Variants in ANKFN1 observed in about 807,000 individuals in gnomAD.
The protein encoded by ANKFN1 is ankyrin repeat and fibronectin type III domain containing 1.
ANKFN1 carries 74 observed loss-of-function variants against 108.7 expected under a neutral mutation model. The ratio of observed to expected loss-of-function variants is 0.68; its 90% CI spans 0.56 to 0.83. ANKFN1 has a LOEUF of 0.83. ANKFN1 is among the 40% of genes least tolerant of loss of function. The pLI, the probability that ANKFN1 is intolerant of heterozygous loss-of-function variation, is 0.00. For missense variants in ANKFN1, 1,505 were observed against 1,382.3 expected, an observed-to-expected ratio of 1.09 and a Z score of -1.41; for synonymous variants, 547 against 516.2, an observed-to-expected ratio of 1.06 and a Z score of -0.81.
At chr17:56,168,447 A>G (rs1250743928) in intron 1 of ANKFN1, among the ~76,000 whole-genome samples, 1 of 152,070 alleles carries the variant, frequency 6.6e-6, no homozygotes, top group Non-Finnish European at 1.5e-5. Flanking sequence ...TTCCTTTTTC[A>G]TTTCAAACTC....
intron 1 of ANKFN1, among the ~76,000 whole-genome samples, chr17:56,175,515 C>T (rs1431702831): frequency 6.6e-6 from 1 of 152,128 alleles, no homozygotes; most frequent in African/African-American, 2.4e-5. Context: ...ATACACATTG[C>T]AAAGCCCTTG....
intron 3 of ANKFN1, among the ~76,000 whole-genome samples, chr17:56,283,538 T>TATATATATATATATATATATATATATATA (rs1263196279): frequency 6.7e-5 from 10 of 150,156 alleles, no homozygotes; most frequent in African/African-American, 2.3e-4. Context: ...TATATATATA[T>TATATATATATATATATATATATATATATA]GATGGAATAC....
intron 3 of ANKFN1, among the ~76,000 whole-genome samples, chr17:56,285,765 G>A (rs978033638): frequency 6.6e-6 from 1 of 151,962 alleles, no homozygotes; most frequent in Non-Finnish European, 1.5e-5. Flanking sequence ...AATTAGAAGA[G>A]ATTCCTCTCC....
At chr17:56,227,474 T>C (rs2080314205) in intron 2 of ANKFN1, among the ~76,000 whole-genome samples, 2 of 152,160 alleles carry the variant, frequency 1.3e-5, no homozygotes, top group Admixed American at 1.3e-4. Flanking sequence ...AACCATAATC[T>C]TTAGGAGAAG....
chr17:56,256,834 GCTCTCT>G (rs889700130), intron 3 of ANKFN1, among the ~76,000 whole-genome samples: 1 of 152,124 alleles, frequency 6.6e-6, no homozygotes, highest in African/African-American at 2.4e-5. Context: ...CCCAAGCCTA[GCTCTCT>G]TACCAAATAC....
At chr17:56,426,338 A>G (rs150897476) in intron 8 of ANKFN1, among the ~76,000 whole-genome samples, 250 of 152,264 alleles carry the variant, frequency 1.6e-3, no homozygotes, top group South Asian at 5.8e-3. Flanking sequence ...TTCCTGTTCA[A>G]CTGTCAATGT....
At chr17:56,184,455 T>C (rs6505046) in intron 1 of ANKFN1, among the ~76,000 whole-genome samples, 112,077 of 152,152 alleles carry the variant, frequency 0.74, 42,280 homozygotes, top group East Asian at 0.94. Flanking sequence ...CCACAGTATA[T>C]TGTGAATATA....
chr17:56,157,569 G>A (rs1301608299), intron 1 of ANKFN1, among the ~76,000 whole-genome samples: 1 of 152,188 alleles, frequency 6.6e-6, no homozygotes, highest in East Asian at 1.9e-4. Flanking sequence ...TGTGGACTAT[G>A]GCGTCTTACC....
intron 8 of ANKFN1, among the ~76,000 whole-genome samples, chr17:56,408,135 A>G (rs1027169654): frequency 6.6e-6 from 1 of 151,994 alleles, no homozygotes; most frequent in Non-Finnish European, 1.5e-5. Context: ...GGGTTTCACC[A>G]TGTTGGCCAG....
At chr17:56,329,802 C>A (rs1238391414) in intron 4 of ANKFN1, among the ~76,000 whole-genome samples, 1 of 152,132 alleles carries the variant, frequency 6.6e-6, no homozygotes, top group Non-Finnish European at 1.5e-5. Flanking sequence ...GAACTGAGGC[C>A]TTCAAGAAGA....
chr17:56,391,677 C>T (rs922371571), intron 8 of ANKFN1, among the ~76,000 whole-genome samples: 26 of 152,012 alleles, frequency 1.7e-4, no homozygotes, highest in Admixed American at 5.9e-4. Flanking sequence ...CCACCCACCT[C>T]GGCCTCCCAA....
chr17:56,391,952 C>A (rs371927244), intron 8 of ANKFN1, among the ~76,000 whole-genome samples: 3 of 152,118 alleles, frequency 2.0e-5, no homozygotes, highest in Admixed American at 6.5e-5. Flanking sequence ...ACAGCTATTA[C>A]GTGTCAGACT....
chr17:56,286,780 A>G (rs2044229040), intron 3 of ANKFN1, among the ~76,000 whole-genome samples: 1 of 151,564 alleles, frequency 6.6e-6, no homozygotes, highest in African/African-American at 2.4e-5. Flanking sequence ...CTACCTTTAC[A>G]CTCCTTTTTG....
chr17:56,496,166 T>C (rs1214935499), intron 19 of ANKFN1, among the ~76,000 whole-genome samples: 1 of 152,148 alleles, frequency 6.6e-6, no homozygotes, highest in Non-Finnish European at 1.5e-5. Flanking sequence ...GGCCTCCCTA[T>C]ACCCATATGG....
intron 1 of ANKFN1, among the ~76,000 whole-genome samples, chr17:56,171,920 C>A (rs182748893): frequency 6.6e-6 from 1 of 151,994 alleles, no homozygotes; most frequent in African/African-American, 2.4e-5. Flanking sequence ...ATTTATCACC[C>A]TAACATTTAA....
chr17:56,481,082 CA>C (rs11439875), intron 17 of ANKFN1, among the ~76,000 whole-genome samples: 1,047 of 65,868 alleles, frequency 0.016, 1 homozygote, highest in Middle Eastern at 0.056. Flanking sequence ...GTCTGGTCAG[CA>C]AAAAAAAAAA....
At chr17:56,081,915 T>C (rs1410889459) in intron 4 of ANKFN1, among the ~76,000 whole-genome samples, 1 of 152,234 alleles carries the variant, frequency 6.6e-6, no homozygotes, top group African/African-American at 2.4e-5. Context: ...TGGGCGTGTG[T>C]GAGCCCACGC....
At chr17:56,477,728 G>T in intron 16 of ANKFN1, 74 bp downstream of exon 16, 1 of 1,514,798 alleles carries the variant, frequency 6.6e-7, no homozygotes, top group Non-Finnish European at 9.0e-7. Context: ...GTGCCAGAAG[G>T]AAACTGAAGT....
chr17:56,491,315 A>G (rs551138849), intron 18 of ANKFN1, among the ~76,000 whole-genome samples: 3 of 152,312 alleles, frequency 2.0e-5, no homozygotes, highest in East Asian at 1.9e-4. Context: ...AAATTCATCA[A>G]TGCCCTGGAA....
Sources: gnomAD v4.1 joint callset for allele counts (sites outside exome capture counted in the v4.1 genomes callset) on GRCh38, gnomAD v4.1.1 for gene constraint, MANE v1.5 for transcripts, NCBI Gene and HGNC (gene_info 2026-07-23, HGNC 2026-07-21) for gene names.